Variants in CPNE4 observed in about 807,000 individuals in gnomAD.
The protein encoded by CPNE4 is copine-4.
A neutral mutation model predicts 67.9 loss-of-function variants in CPNE4; 25 were observed. The observed-to-expected ratio is 0.37, with a 90% CI of 0.27 to 0.51. The LOEUF (loss-of-function observed/expected upper bound fraction) is 0.51, where lower values mean the gene tolerates loss of function less well. Ranked by LOEUF, CPNE4 falls within the 20% of genes least tolerant of loss-of-function variation. The pLI is 0.93. For missense variants in CPNE4, 464 were observed against 690.8 expected, an observed-to-expected ratio of 0.67 and a Z score of 3.68; for synonymous variants, 242 against 244.9, an observed-to-expected ratio of 0.99 and a Z score of 0.11.
intron 2 of CPNE4, among the ~76,000 whole-genome samples, chr3:131,846,613 C>T (rs1329878643): frequency 1.3e-5 from 2 of 152,142 alleles, no homozygotes; most frequent in Non-Finnish European, 2.9e-5. Context: ...ATGAATCAGA[C>T]AGAATTTATT....
At chr3:131,600,340 C>T (rs868333309) in intron 7 of CPNE4, among the ~76,000 whole-genome samples, 1 of 152,100 alleles carries the variant, frequency 6.6e-6, no homozygotes, top group South Asian at 2.1e-4. Flanking sequence ...AAGGGTATGG[C>T]ATGATCCATG....
chr3:131,614,953 G>A (rs890464909), intron 7 of CPNE4, among the ~76,000 whole-genome samples: 1 of 152,022 alleles, frequency 6.6e-6, no homozygotes, highest in Non-Finnish European at 1.5e-5. Context: ...AGTCTCCCTG[G>A]GGTCTTAGGA....
chr3:131,649,773 T>C (rs1449816336), intron 7 of CPNE4, among the ~76,000 whole-genome samples: 1 of 152,246 alleles, frequency 6.6e-6, no homozygotes, highest in Non-Finnish European at 1.5e-5. Context: ...AAAGACCCTC[T>C]ATTGGTCTAT....
chr3:132,028,169 A>G (rs1230479471), intron 1 of CPNE4, among the ~76,000 whole-genome samples: 1 of 152,182 alleles, frequency 6.6e-6, no homozygotes, highest in African/African-American at 2.4e-5. Context: ...GCTGAATGAG[A>G]TGCCACCCCC....
At chr3:131,790,762 A>C (rs74709580) in intron 2 of CPNE4, among the ~76,000 whole-genome samples, 1,690 of 152,166 alleles carry the variant, frequency 0.011, 28 homozygotes, top group African/African-American at 0.039. Context: ...TGAGAAAAAA[A>C]CCCCACTGAT....
intron 1 of CPNE4, among the ~76,000 whole-genome samples, chr3:131,918,090 G>A (rs886271157): frequency 6.6e-6 from 1 of 152,180 alleles, no homozygotes; most frequent in African/African-American, 2.4e-5. Flanking sequence ...GAAGGTAGCT[G>A]TTGATATTGT....
At chr3:132,033,100 T>C (rs1358402688) in intron 1 of CPNE4, among the ~76,000 whole-genome samples, 2 of 152,242 alleles carry the variant, frequency 1.3e-5, no homozygotes, top group Non-Finnish European at 2.9e-5. Context: ...AACACTTTAT[T>C]TGAAGTTAAG....
chr3:131,539,962 G>A (rs1213793990), intron 15 of CPNE4, among the ~76,000 whole-genome samples: 3 of 152,274 alleles, frequency 2.0e-5, no homozygotes, highest in East Asian at 3.9e-4. Context: ...TAGCTCATCC[G>A]TCTGTAAAGA....
At chr3:131,623,829 G>C (rs1940599236) in intron 7 of CPNE4, among the ~76,000 whole-genome samples, 1 of 152,244 alleles carries the variant, frequency 6.6e-6, no homozygotes, top group African/African-American at 2.4e-5. Flanking sequence ...AACCAGTTCA[G>C]TTGGCTGAAC....
At chr3:131,866,214 T>A (rs2086943505) in intron 2 of CPNE4, among the ~76,000 whole-genome samples, 1 of 142,120 alleles carries the variant, frequency 7.0e-6, no homozygotes, top group Admixed American at 7.3e-5. Context: ...CAGTTAGGAA[T>A]TGCAATCAGC....
chr3:132,019,498 G>A (rs2073949450), intron 1 of CPNE4, among the ~76,000 whole-genome samples: 2 of 152,134 alleles, frequency 1.3e-5, no homozygotes, highest in Admixed American at 6.5e-5. Context: ...TTTGATGAAT[G>A]ATGACATATA....
chr3:131,626,169 G>A (rs1042408774), intron 7 of CPNE4, among the ~76,000 whole-genome samples: 1 of 152,022 alleles, frequency 6.6e-6, no homozygotes, highest in Non-Finnish European at 1.5e-5. Flanking sequence ...GGCCAATATT[G>A]TTAATAACCC....
At chr3:131,974,625 C>G (rs1341856911) in intron 1 of CPNE4, among the ~76,000 whole-genome samples, 2 of 152,170 alleles carry the variant, frequency 1.3e-5, no homozygotes, top group Non-Finnish European at 2.9e-5. Context: ...TCTGCTTGCT[C>G]CTCCCTGCCT....
At chr3:131,685,656 C>T (rs1189341783) in intron 6 of CPNE4, among the ~76,000 whole-genome samples, 3 of 152,064 alleles carry the variant, frequency 2.0e-5, no homozygotes, top group African/African-American at 7.2e-5. Context: ...GTGGTGGGTG[C>T]CTGTAGTCCC....
At chr3:131,968,073 T>C (rs2072401490) in intron 1 of CPNE4, among the ~76,000 whole-genome samples, 2 of 152,128 alleles carry the variant, frequency 1.3e-5, no homozygotes, top group South Asian at 4.1e-4. Flanking sequence ...AACCATCTGA[T>C]CTTTGACAAA....
rs185807543 is a variant in CPNE4 at position 131,650,463 on chromosome 3, A to G, written c.681+19212T>C. Among the ~76,000 whole-genome samples the G allele has an allele frequency of 9.0e-4, 136 of 151,410 alleles. 1 individual carries two copies. The highest frequency in any genetic ancestry group is 2.9e-4 in the Non-Finnish European group (20 of 68,038). On this transcript the variant is annotated intron_variant, in intron 7 of 15. Transcript: ENST00000429747. ...TATTTTTTAACCATAGCCTTTAAAA[A>G]TTCTATTATTGCGGCCGGGCGCGGT... is the stretch of plus-strand genomic sequence containing the variant.
rs555882238 is a variant in CPNE4 at position 131,926,523 on chromosome 3, C to G, written c.-1-21079G>C. On this transcript the variant is annotated intron_variant, in intron 1 of 15. Coordinates refer to ENST00000429747, the MANE Select transcript of CPNE4 (RefSeq NM_130808.3). ...TAGGAGAATAAAAATGTCAGTAAAA[C>G]AAGAAAAGTTTCTTGAGAAGGGGAA... Among the ~76,000 whole-genome samples, 261 of 152,108 alleles carry G rather than the reference C, an allele frequency of 1.7e-3. 1 individual carries two copies. The highest frequency in any genetic ancestry group is 5.0e-3 in the African/African-American group (206 of 41,526).
chr3:131,596,099 A>G (rs73216421), intron 7 of CPNE4, among the ~76,000 whole-genome samples: 3,412 of 152,298 alleles, frequency 0.022, 53 homozygotes, highest in Middle Eastern at 0.048. Flanking sequence ...AGTATTGTGC[A>G]CTTCACAATT....
chr3:131,857,420 C>A (rs925349378), intron 2 of CPNE4, among the ~76,000 whole-genome samples: 1 of 151,972 alleles, frequency 6.6e-6, no homozygotes, highest in African/African-American at 2.4e-5. Context: ...GTTCCCAGAA[C>A]AAGTCAGTGG....
Sources: allele counts gnomAD v4.1 joint callset (sites outside exome capture counted in the v4.1 genomes callset), GRCh38; gene constraint gnomAD v4.1.1; transcripts MANE v1.5; gene names NCBI Gene and HGNC (gene_info 2026-07-23, HGNC 2026-07-21).